KSR2: variants seen among roughly 807,000 people sequenced by gnomAD.
KSR2 encodes the protein kinase suppressor of ras 2.
KSR2 carries 25 observed loss-of-function variants against 107.8 expected under a neutral mutation model. The ratio of observed to expected loss-of-function variants is 0.23; its 90% confidence interval spans 0.17 to 0.32. The LOEUF (loss-of-function observed/expected upper bound fraction) is 0.32. KSR2 is among the 10% of genes least tolerant of loss of function. The pLI is 1.00. For synonymous variants in KSR2, 480 were observed against 507.0 expected (o/e 0.95, Z 0.71); for missense variants, 887 against 1,268.9 (o/e 0.70, Z 4.57).
At chr12:117,557,725 A>G (rs1877807206) in intron 8 of KSR2, among the ~76,000 whole-genome samples, 1 of 152,218 alleles carries the variant, frequency 6.6e-6, no homozygotes, top group African/African-American at 2.4e-5. Flanking sequence ...AAATAGTCAA[A>G]TGTAGCTAGT....
intron 5 of KSR2, among the ~76,000 whole-genome samples, chr12:117,652,871 C>T (rs888408192): frequency 1.3e-5 from 2 of 152,102 alleles, no homozygotes; most frequent in African/African-American, 2.4e-5. Flanking sequence ...CCGGACTCAT[C>T]CTGTGGTCAT....
chr12:117,820,056 TTTTC>T (rs1231997892), intron 3 of KSR2, among the ~76,000 whole-genome samples: 3 of 152,222 alleles, frequency 2.0e-5, no homozygotes, highest in Non-Finnish European at 4.4e-5. Context: ...GGTGATTTGG[TTTTC>T]TTTTTTTACA....
At chr12:117,588,248 C>T (rs1880124868) in intron 5 of KSR2, among the ~76,000 whole-genome samples, 1 of 152,176 alleles carries the variant, frequency 6.6e-6, no homozygotes. Flanking sequence ...ACTTGTAGCA[C>T]TGGAATATCT....
intron 17 of KSR2, 60 bp downstream of exon 17, chr12:117,476,404 T>G (rs1871782672): frequency 6.7e-7 from 1 of 1,497,596 alleles, no homozygotes; most frequent in African/African-American, 1.4e-5. Flanking sequence ...ACTGAAAGAC[T>G]TGAGAAGTGC....
chr12:117,807,318 G>A (rs889855206), intron 3 of KSR2, among the ~76,000 whole-genome samples: 1 of 152,196 alleles, frequency 6.6e-6, no homozygotes, highest in African/African-American at 2.4e-5. Context: ...CAGAGTGAGG[G>A]CTTAGATGCA....
chr12:117,783,963 T>C (rs973541228), intron 3 of KSR2, among the ~76,000 whole-genome samples: 2 of 152,168 alleles, frequency 1.3e-5, no homozygotes, highest in Non-Finnish European at 2.9e-5. Context: ...CCCATTCCTT[T>C]GGACTGAGAA....
chr12:117,491,735 C>T (rs2137156707), intron 14 of KSR2, among the ~76,000 whole-genome samples: 1 of 152,318 alleles, frequency 6.6e-6, no homozygotes, highest in East Asian at 1.9e-4. Flanking sequence ...TTCCGTTCCT[C>T]TGGATAAATA....
In KSR2 at chr12:117,514,368, C is replaced by G. The variant is rs117533971; in HGVS notation, c.2219+10484G>C. ...CATCACCAACCCTACTGCAAGCTCT[C>G]TTAAGAAGAGGGAATGTCCCAAAAT... is the stretch of plus-strand genomic sequence containing the variant. On this transcript the variant is annotated intron_variant, in intron 14 of 19. Coordinates refer to ENST00000339824, the MANE Select transcript of KSR2 (RefSeq NM_173598.6). Among the ~76,000 whole-genome samples the G allele has an allele frequency of 4.4e-3, 672 of 152,292 alleles. 4 individuals carry two copies. Among genetic ancestry groups the G allele is most frequent in the Middle Eastern group, 0.014 (4 of 294 alleles).
intron 4 of KSR2, among the ~76,000 whole-genome samples, chr12:117,746,241 C>G (rs1174996465): frequency 6.6e-6 from 1 of 152,072 alleles, no homozygotes; most frequent in East Asian, 1.9e-4. Flanking sequence ...GATATATAGA[C>G]CAATGAAACG....
intron 4 of KSR2, among the ~76,000 whole-genome samples, chr12:117,711,015 C>T (rs12424187): frequency 0.15 from 22,541 of 152,056 alleles, 2,330 homozygotes; most frequent in East Asian, 0.57. Context: ...GAGACACCAT[C>T]TCCAACCATT....
chr12:117,761,585 A>G, intron 3 of KSR2, 61 bp from the exon 4 acceptor site: 1 of 1,464,916 alleles, frequency 6.8e-7, no homozygotes, highest in Non-Finnish European at 9.5e-7. Flanking sequence ...GGTGAGTTAC[A>G]CCATACACAC....
rs1403078000 is a variant in KSR2, at chr12:117,860,426, C to G, written c.186G>C (p.Lys62Asn). 1.2e-6 allele frequency: 2 copies of G among 1,607,960 alleles called. No homozygotes were observed. The highest frequency in any genetic ancestry group is 1.7e-6 in the Non-Finnish European group (2 of 1,177,442). ...GCTGCCGGCTGAAGTACTTCACCAG[C>G]TTGCTCTGTGGAGACACAGACGAGG... Reference protein sequence around the residue: ...TQKEIRTLESKLVKYFSRQLS... With the variant: ...TQKEIRTLESNLVKYFSRQLS... Residue 62 changes from lysine (K) to asparagine (N), a missense_variant, in exon 2 of 20, where the codon AAG becomes AAC. Around this residue, in one of 8 missense-constraint regions of KSR2, gnomAD observed 21 missense variants for 57.8 expected, o/e 0.36. Transcript: ENST00000339824.
Position 117,731,459 on chromosome 12 carries a change from G to A in KSR2, c.986+29552C>T, listed in dbSNP as rs531457089. ...CAGCCACCGCCCCGTCCGGGAGGTG[G>A]GGGGCGCCTCTGCCCGGCCGCCCCA... On this transcript the variant is annotated intron_variant, in intron 4 of 19. Transcript: ENST00000339824. 2.5e-4 allele frequency among the ~76,000 whole-genome samples: 36 copies of A among 142,078 alleles called. No homozygotes were observed. The East Asian group carries it at 6.1e-3, about 24-fold the overall frequency. 93.2% of individuals were successfully genotyped at this position (142,078 alleles called of 152,430 possible).
chr12:117,668,526 C>T (rs2136488266), intron 4 of KSR2, among the ~76,000 whole-genome samples: 1 of 152,290 alleles, frequency 6.6e-6, no homozygotes, highest in South Asian at 2.1e-4. Context: ...AGCAGCATTG[C>T]TGGAGAAGAG....
At chr12:117,561,343 A>C (rs571436555) in intron 7 of KSR2, among the ~76,000 whole-genome samples, 1 of 152,370 alleles carries the variant, frequency 6.6e-6, no homozygotes, top group African/African-American at 2.4e-5. Context: ...ACTGTAGGAC[A>C]CTGAAAATAA....
intron 4 of KSR2, among the ~76,000 whole-genome samples, chr12:117,754,827 C>T (rs1888732164): frequency 6.6e-6 from 1 of 152,004 alleles, no homozygotes. Flanking sequence ...AATAGCCTTC[C>T]TAGCCTTCCT....
chr12:117,893,074 G>C (rs957783858), intron 1 of KSR2, among the ~76,000 whole-genome samples: 15 of 150,354 alleles, frequency 1.0e-4, no homozygotes, highest in East Asian at 5.9e-4. Flanking sequence ...CTGGAGTGCA[G>C]TGGTGTGATC....
At chr12:117,854,448 C>G (rs2137220554) in intron 3 of KSR2, among the ~76,000 whole-genome samples, 1 of 152,352 alleles carries the variant, frequency 6.6e-6, no homozygotes, top group Non-Finnish European at 1.5e-5. Context: ...CTCAGCCCTG[C>G]TGGCACCCCA....
intron 5 of KSR2, among the ~76,000 whole-genome samples, chr12:117,640,821 T>G (rs1568154): frequency 0.91 from 138,979 of 152,210 alleles, 63,671 homozygotes; most frequent in East Asian, 0.99. Context: ...TCTGTGAGGT[T>G]ATCACTCGAA....
Sources: allele counts gnomAD v4.1 joint callset (sites outside exome capture counted in the v4.1 genomes callset), GRCh38; gene constraint gnomAD v4.1.1; regional missense constraint gnomAD v4.1.1; transcripts MANE v1.5; gene names NCBI Gene and HGNC (gene_info 2026-07-23, HGNC 2026-07-21).